NEDD4: variants seen among roughly 807,000 people sequenced by gnomAD.
NEDD4 encodes E3 ubiquitin-protein ligase NEDD4.
In NEDD4, 99 loss-of-function variants were observed where a neutral mutation model predicts 144.9. That is an observed-to-expected ratio of 0.68 (90% CI 0.58 to 0.81). The LOEUF is 0.81. NEDD4 is among the 30% of genes least tolerant of loss of function. The probability of loss-of-function intolerance (pLI) is 0.00; values close to 1 mark genes in which losing one functional copy is unlikely to be tolerated. For missense variants in NEDD4, 985 were observed against 1,065.9 expected (o/e 0.92, Z 1.06); for synonymous variants, 318 against 350.6 (o/e 0.91, Z 1.04).
At chr15:55,993,311 C>A (rs1385849561) in intron 1 of NEDD4, among the ~76,000 whole-genome samples, 200 bp downstream of exon 1, 2 of 152,126 alleles carry the variant, frequency 1.3e-5, no homozygotes, top group Non-Finnish European at 2.9e-5. Flanking sequence ...CAAGCTTGCT[C>A]CCTCCAGCGA....
Position 55,860,565 on chromosome 15 carries a change from T to C in NEDD4, c.802A>G (p.Ile268Val). ...ATGGTGGCTTCATCTTCTCTTATAA[T>C]TTCCCAGTTCTAAAATGAACAGAAT... is the stretch of plus-strand genomic sequence containing the variant. The part of the protein sequence containing the change: ...DNRESSENWE[I>V]IREDEATMYS... Residue 268 changes from isoleucine (I) to valine (V), a missense_variant, in exon 11 of 29, where the codon ATT (isoleucine) becomes GTT (valine). By Grantham distance (29) the Ile-to-Val change is conservative. Transcript: ENST00000435532. 6.2e-7 allele frequency: 1 copy of C among 1,614,036 alleles called. No individual in the cohort carries two copies. The highest frequency in any genetic ancestry group is 2.2e-5 in the East Asian group (1 of 44,882).
At chr15:55,915,831 G>T (rs777540474) in intron 5 of NEDD4, 3 of 1,613,702 alleles carry the variant, frequency 1.9e-6, no homozygotes, top group Non-Finnish European at 8.5e-7. Flanking sequence ...TTCTCCGGGG[G>T]TACAAATTGT....
At chr15:55,981,747 G>A (rs2140446133) in intron 1 of NEDD4, among the ~76,000 whole-genome samples, 1 of 152,208 alleles carries the variant, frequency 6.6e-6, no homozygotes, top group Admixed American at 6.5e-5. Context: ...AAATGTTGAG[G>A]CCTGCACCTA....
intron 1 of NEDD4, 64 bp downstream of exon 1, chr15:55,993,446 TC>T: frequency 6.4e-7 from 1 of 1,562,294 alleles, no homozygotes; most frequent in South Asian, 1.1e-5. Context: ...CGCCGCTACC[TC>T]CCCGGGTCCG....
chr15:55,920,697 G>T (rs1051211108), intron 5 of NEDD4, among the ~76,000 whole-genome samples: 8 of 152,102 alleles, frequency 5.3e-5, no homozygotes, highest in African/African-American at 1.9e-4. Flanking sequence ...TAGGAAAATG[G>T]TACATTTTAA....
intron 2 of NEDD4, among the ~76,000 whole-genome samples, chr15:55,962,589 G>A (rs1950228836): frequency 6.8e-6 from 1 of 146,226 alleles, no homozygotes; most frequent in South Asian, 2.2e-4. Flanking sequence ...GATTACAGAT[G>A]CCTGCCACCA....
intron 4 of NEDD4, among the ~76,000 whole-genome samples, chr15:55,931,089 G>C (rs769712382): frequency 2.0e-5 from 3 of 151,860 alleles, no homozygotes; most frequent in Non-Finnish European, 4.4e-5. Flanking sequence ...GAAAGAGGGA[G>C]AAAAAAGGAA....
intron 2 of NEDD4, among the ~76,000 whole-genome samples, chr15:55,957,990 G>A (rs2142314853): frequency 6.6e-6 from 1 of 152,188 alleles, no homozygotes; most frequent in South Asian, 2.1e-4. Context: ...AAGGGGTGAG[G>A]GATAGCATTA....
chr15:55,849,445 G>T (rs570748410), intron 14 of NEDD4, among the ~76,000 whole-genome samples: 1 of 151,902 alleles, frequency 6.6e-6, no homozygotes, highest in African/African-American at 2.4e-5. Flanking sequence ...GGCTAGTCTC[G>T]AACTCCTGAC....
intron 5 of NEDD4, among the ~76,000 whole-genome samples, chr15:55,908,396 G>A (rs1323426179): frequency 6.6e-6 from 1 of 152,048 alleles, no homozygotes; most frequent in Non-Finnish European, 1.5e-5. Context: ...TGTACACTTA[G>A]TATCTGAAGT....
intron 1 of NEDD4, among the ~76,000 whole-genome samples, chr15:55,985,064 A>C (rs2037867897): frequency 6.6e-6 from 1 of 152,234 alleles, no homozygotes; most frequent in Admixed American, 6.5e-5. Flanking sequence ...TAATTATGCA[A>C]GATTCACCAA....
chr15:55,914,766 CTA>C (rs2036381557), intron 5 of NEDD4, among the ~76,000 whole-genome samples: 1 of 151,876 alleles, frequency 6.6e-6, no homozygotes, highest in East Asian at 1.9e-4. Context: ...TATAGTTTCT[CTA>C]TGATAATTTA....
intron 5 of NEDD4, among the ~76,000 whole-genome samples, chr15:55,896,403 C>G (rs190472484): frequency 4.6e-5 from 7 of 152,036 alleles, no homozygotes; most frequent in Non-Finnish European, 4.4e-5. Flanking sequence ...AGGCTGGTCT[C>G]GAACTCCTGG....
intron 5 of NEDD4, among the ~76,000 whole-genome samples, chr15:55,878,024 G>T (rs897541470): frequency 1.3e-5 from 2 of 152,042 alleles, no homozygotes; most frequent in Admixed American, 6.6e-5. Flanking sequence ...TCAGCCACTT[G>T]TCCAGAGAAC....
intron 5 of NEDD4, among the ~76,000 whole-genome samples, chr15:55,923,598 G>A (rs1595848329): frequency 6.8e-6 from 1 of 147,978 alleles, no homozygotes; most frequent in African/African-American, 2.5e-5. Flanking sequence ...AGTGAGTTGA[G>A]ACTGAGCCAC....
chr15:55,880,972 A>G (rs1350828395), intron 5 of NEDD4, among the ~76,000 whole-genome samples: 2 of 152,120 alleles, frequency 1.3e-5, no homozygotes, highest in Non-Finnish European at 2.9e-5. Context: ...GACATTTCAA[A>G]CAGGTATATC....
rs2032802009 is a variant in NEDD4, at chr15:55,828,674, T to A, written c.*1223A>T. Reference sequence around the variant, plus strand: ...TCAATAAACGTTTGATGAATACATGTACATGGTCTTTATGTACTTCAGTTT... The same window carrying A: ...TCAATAAACGTTTGATGAATACATGAACATGGTCTTTATGTACTTCAGTTT... On this transcript the variant is annotated 3_prime_UTR_variant, in exon 29 of 29. Coordinates refer to ENST00000435532, the MANE Select transcript of NEDD4 (RefSeq NM_006154.4). 6.6e-6 allele frequency: 1 copy of A among 152,656 alleles called. No individual in the cohort carries two copies. Among genetic ancestry groups the A allele is most frequent in the Non-Finnish European group, 1.5e-5 (1 of 68,036 alleles). The allele number at this position is 152,656 out of a possible 1,614,324, so 9.5% of individuals were successfully genotyped here. A position where few individuals can be genotyped will look rare whatever the true frequency, so the allele number is the denominator to read the frequency against.
intron 13 of NEDD4, 65 bp downstream of exon 13, chr15:55,852,359 T>A (rs2034017497): frequency 6.6e-7 from 1 of 1,507,328 alleles, no homozygotes; most frequent in Non-Finnish European, 9.0e-7. Context: ...AGTGATGTAA[T>A]AGTTTACATA....
rs2032856196 is a variant in NEDD4 at position 55,829,786 on chromosome 15, G to C, written c.*111C>G. On this transcript the variant is annotated 3_prime_UTR_variant, in exon 29 of 29. Coordinates refer to ENST00000435532, the MANE Select transcript of NEDD4 (RefSeq NM_006154.4). ...ATGCTTTTTATATGATTTTCTTCAA[G>C]ATCTGGGAAGACTCAGTGGCCACAT... The C allele has an allele frequency of 6.2e-6, 4 of 650,006 alleles. No individual in the cohort carries two copies. Among genetic ancestry groups the C allele is most frequent in the Non-Finnish European group, 1.1e-5 (4 of 376,002 alleles). 40.3% of individuals were successfully genotyped at this position (650,006 alleles called of 1,614,324 possible).
Sources: gnomAD v4.1 joint callset for allele counts (sites outside exome capture counted in the v4.1 genomes callset) on GRCh38, gnomAD v4.1.1 for gene constraint, MANE v1.5 for transcripts, NCBI Gene and HGNC (gene_info 2026-07-23, HGNC 2026-07-21) for gene names.